CSMD1: variants seen among roughly 807,000 people sequenced by gnomAD.
CSMD1 encodes CUB and Sushi multiple domains 1, also known as CUB and sushi domain-containing protein 1.
Under a neutral mutation model 417.5 loss-of-function variants are expected in CSMD1, and 213 were observed. The observed-to-expected ratio is 0.51, with a 90% CI of 0.46 to 0.57. The LOEUF (loss-of-function observed/expected upper bound fraction) is 0.57, where lower values mean the gene tolerates loss of function less well. CSMD1 is among the 20% of genes least tolerant of loss of function. The pLI is 0.00. For synonymous variants in CSMD1, 2,862 were observed against 1,736.8 expected (o/e 1.65, Z -16.11); for missense variants, 6,923 against 4,529.7 (o/e 1.53, Z -15.17).
At chr8:3,097,755 G>T (rs191812564) in intron 46 of CSMD1, among the ~76,000 whole-genome samples, 1 of 152,216 alleles carries the variant, frequency 6.6e-6, no homozygotes, top group African/African-American at 2.4e-5. Context: ...GAAAACCTCG[G>T]ATCGGGGGTG....
rs1255235515 is a variant in CSMD1, at chr8:4,710,467, T to C, written c.86-72909A>G. ...TATATTGATATATAATGGAATATTATATATATATATATATGTATCTCTGTC... is the reference window on the plus strand; with the variant it reads ...TATATTGATATATAATGGAATATTACATATATATATATATGTATCTCTGTC... On this transcript the variant is annotated intron_variant, in intron 1 of 69. Coordinates refer to ENST00000635120, the MANE Select transcript of CSMD1 (RefSeq NM_033225.6). Among the ~76,000 whole-genome samples the C allele has an allele frequency of 4.1e-5, 6 of 146,948 alleles. No homozygotes were observed. In the East Asian group the frequency reaches 9.8e-4, roughly 24 times the overall value.
At chr8:4,928,023 G>C (rs1007601969) in intron 1 of CSMD1, among the ~76,000 whole-genome samples, 2 of 152,154 alleles carry the variant, frequency 1.3e-5, no homozygotes, top group Non-Finnish European at 2.9e-5. Context: ...AGCGGCAAAA[G>C]TAGAAATCCT....
chr8:4,124,617 G>C (rs1489937398), intron 3 of CSMD1, among the ~76,000 whole-genome samples: 1 of 152,272 alleles, frequency 6.6e-6, no homozygotes, highest in African/African-American at 2.4e-5. Flanking sequence ...AGCACGCACA[G>C]CCAGACCTCA....
intron 5 of CSMD1, among the ~76,000 whole-genome samples, chr8:3,915,172 G>C (rs1366678575): frequency 1.3e-5 from 2 of 152,052 alleles, no homozygotes. Context: ...TTGGGAGGCT[G>C]AGGCAGGAGG....
At chr8:3,918,077 T>C (rs1196523613) in intron 5 of CSMD1, among the ~76,000 whole-genome samples, 1 of 152,148 alleles carries the variant, frequency 6.6e-6, no homozygotes, top group Non-Finnish European at 1.5e-5. Context: ...TTCCACTTTT[T>C]CTTCCTCCAC....
chr8:3,947,190 G>T (rs1354929186), intron 5 of CSMD1, among the ~76,000 whole-genome samples: 1 of 152,184 alleles, frequency 6.6e-6, no homozygotes, highest in Non-Finnish European at 1.5e-5. Context: ...ACTGGGTTCA[G>T]GAGGTTTCTC....
intron 5 of CSMD1, among the ~76,000 whole-genome samples, chr8:3,946,895 C>A (rs879439034): frequency 1.3e-5 from 2 of 152,096 alleles, no homozygotes; most frequent in Non-Finnish European, 2.9e-5. Context: ...ATTGTGATCT[C>A]AAACCATGCA....
At chr8:4,157,877 C>T (rs1796925164) in intron 3 of CSMD1, among the ~76,000 whole-genome samples, 1 of 152,132 alleles carries the variant, frequency 6.6e-6, no homozygotes, top group South Asian at 2.1e-4. Context: ...TGGTCCTATC[C>T]TCCCCACAGG....
chr8:4,271,887 G>C (rs927852224), intron 3 of CSMD1, among the ~76,000 whole-genome samples: 9 of 152,118 alleles, frequency 5.9e-5, no homozygotes, highest in African/African-American at 1.7e-4. Flanking sequence ...TCCTCCCTTG[G>C]TGTCCACAGG....
intron 3 of CSMD1, among the ~76,000 whole-genome samples, chr8:4,126,441 A>G (rs1802770683): frequency 6.6e-6 from 1 of 152,128 alleles, no homozygotes; most frequent in South Asian, 2.1e-4. Flanking sequence ...GACACAAACC[A>G]ACATAGTAAC....
intron 12 of CSMD1, among the ~76,000 whole-genome samples, chr8:3,443,784 G>A: frequency 6.6e-6 from 1 of 152,204 alleles, no homozygotes; most frequent in Non-Finnish European, 1.5e-5. Flanking sequence ...TTGATTGGGA[G>A]ACATGAAGTG....
rs149441421 is a variant in CSMD1 at position 4,428,323 on chromosome 8, A to G, written c.303-8258T>C. On this transcript the variant is annotated intron_variant, in intron 2 of 69. Transcript: ENST00000635120. ...TACTTCACATCTAACGAGTCCCAAC[A>G]CCTTTCTCTATCATCTAGTACCTAC... is the stretch of plus-strand genomic sequence containing the variant. Among the ~76,000 whole-genome samples the G allele has an allele frequency of 7.6e-3, 1,163 of 152,272 alleles. 11 individuals carry two copies. Among genetic ancestry groups the G allele is most frequent in the Non-Finnish European group, 0.013 (888 of 68,024 alleles).
chr8:4,026,784 T>G (rs942658816), intron 4 of CSMD1, among the ~76,000 whole-genome samples: 3 of 152,192 alleles, frequency 2.0e-5, no homozygotes, highest in Non-Finnish European at 4.4e-5. Flanking sequence ...GATTTAAGTT[T>G]GAAGTTGACA....
At chr8:3,135,712 A>G (rs1421912778) in intron 41 of CSMD1, among the ~76,000 whole-genome samples, 1 of 151,966 alleles carries the variant, frequency 6.6e-6, no homozygotes, top group African/African-American at 2.4e-5. Flanking sequence ...TGCTGATCAC[A>G]TTTCTGACTC....
chr8:3,555,147 A>G (rs373701757), intron 10 of CSMD1, among the ~76,000 whole-genome samples: 1 of 151,840 alleles, frequency 6.6e-6, no homozygotes, highest in Non-Finnish European at 1.5e-5. Context: ...AGCAAAACCT[A>G]GGCCAGAAAA....
At chr8:3,832,629 C>G (rs1019718227) in intron 5 of CSMD1, among the ~76,000 whole-genome samples, 2 of 152,036 alleles carry the variant, frequency 1.3e-5, no homozygotes, top group African/African-American at 4.8e-5. Flanking sequence ...TTGAAGGAGT[C>G]GAAGATTTCA....
chr8:3,954,489 C>T (rs918090962), intron 5 of CSMD1, among the ~76,000 whole-genome samples: 1 of 152,262 alleles, frequency 6.6e-6, no homozygotes. Context: ...GCCTCAGCTT[C>T]CTGAGTAGCT....
intron 12 of CSMD1, among the ~76,000 whole-genome samples, chr8:3,468,080 T>C (rs1250141057): frequency 6.6e-6 from 1 of 152,178 alleles, no homozygotes; most frequent in East Asian, 1.9e-4. Flanking sequence ...AATCCAAAGA[T>C]CACAACTATA....
chr8:3,486,025 T>C (rs10087333), intron 11 of CSMD1, among the ~76,000 whole-genome samples: 69,656 of 151,842 alleles, frequency 0.46, 17,138 homozygotes, highest in African/African-American at 0.64. Context: ...TCGATTCGAG[T>C]TCTCCTTGTC....
Sources: allele counts gnomAD v4.1 joint callset (sites outside exome capture counted in the v4.1 genomes callset), GRCh38; gene constraint gnomAD v4.1.1; transcripts MANE v1.5; gene names NCBI Gene and HGNC (gene_info 2026-07-23, HGNC 2026-07-21).